The following ITPR2 variants were observed in gnomAD, a reference collection of about 807,000 sequenced individuals.
The protein encoded by ITPR2 is inositol 1,4,5-trisphosphate receptor type 2, also known as inositol 1,4,5-trisphosphate-gated calcium channel ITPR2.
Under a neutral mutation model 317.1 loss-of-function variants are expected in ITPR2, and 207 were observed. That is an observed-to-expected ratio of 0.65 (90% CI 0.58 to 0.73). ITPR2 has a LOEUF of 0.73. Among genes scored for constraint, ITPR2 ranks in the 30% least tolerant of loss-of-function variants. ITPR2 has a pLI of 0.00. For synonymous variants in ITPR2, 1,156 were observed against 1,149.1 expected, an observed-to-expected ratio of 1.01 and a Z score of -0.12; for missense variants, 2,613 against 3,284.0, an observed-to-expected ratio of 0.80 and a Z score of 4.99.
intron 2 of ITPR2, among the ~76,000 whole-genome samples, chr12:26,757,042 C>T (rs1949535849): frequency 6.6e-6 from 1 of 152,168 alleles, no homozygotes; most frequent in African/African-American, 2.4e-5. Context: ...AGTGCCGTGA[C>T]AGTTTACAAA....
At chr12:26,666,139 T>TAGAC (rs1284622229) in intron 13 of ITPR2, 88 bp from the exon 14 acceptor site, 3 of 356,062 alleles carry the variant, frequency 8.4e-6, no homozygotes, top group Admixed American at 1.6e-4. Flanking sequence ...TAGGTAGAGA[T>TAGAC]AGATAGATAG....
intron 51 of ITPR2, among the ~76,000 whole-genome samples, chr12:26,414,733 A>C (rs1940666358): frequency 6.6e-6 from 1 of 152,168 alleles, no homozygotes; most frequent in African/African-American, 2.4e-5. Flanking sequence ...TCACGACAAA[A>C]ATAGAGTATA....
chr12:26,643,183 C>A (rs564309960), intron 21 of ITPR2, among the ~76,000 whole-genome samples: 6 of 152,104 alleles, frequency 3.9e-5, no homozygotes, highest in African/African-American at 1.4e-4. Flanking sequence ...TCTGCAGGCA[C>A]CATAATCCTG....
intron 46 of ITPR2, among the ~76,000 whole-genome samples, 153 bp from the exon 47 acceptor site, chr12:26,439,472 A>G (rs1450385175): frequency 2.0e-5 from 3 of 152,210 alleles, no homozygotes; most frequent in African/African-American, 4.8e-5. Context: ...CCTTTTTACT[A>G]TACTACTTTG....
intron 2 of ITPR2, among the ~76,000 whole-genome samples, chr12:26,735,026 G>A (rs1402176621): frequency 7.5e-6 from 1 of 133,372 alleles, no homozygotes; most frequent in African/African-American, 2.8e-5. Flanking sequence ...TTGAGATGGA[G>A]TTTCGCTCTT....
intron 55 of ITPR2, among the ~76,000 whole-genome samples, chr12:26,382,812 T>G (rs1939549388): frequency 6.6e-6 from 1 of 152,238 alleles, no homozygotes; most frequent in African/African-American, 2.4e-5. Context: ...AGCAATGTAT[T>G]ACTTTATTTA....
intron 37 of ITPR2, among the ~76,000 whole-genome samples, chr12:26,546,475 T>C (rs1944392783): frequency 6.6e-6 from 1 of 152,152 alleles, no homozygotes; most frequent in African/African-American, 2.4e-5. Flanking sequence ...TTATTTCCCT[T>C]AAGATAATGA....
chr12:26,430,039 T>G (rs1941163644), intron 48 of ITPR2, among the ~76,000 whole-genome samples: 1 of 152,232 alleles, frequency 6.6e-6, no homozygotes, highest in African/African-American at 2.4e-5. Flanking sequence ...AGTCAGGCAC[T>G]TAAAATTGGG....
chr12:26,808,506 G>T (rs1243886293), intron 1 of ITPR2, among the ~76,000 whole-genome samples: 2 of 152,074 alleles, frequency 1.3e-5, no homozygotes, highest in African/African-American at 4.8e-5. Flanking sequence ...TAGGCACTGG[G>T]GATAAAGCAG....
intron 4 of ITPR2, among the ~76,000 whole-genome samples, chr12:26,724,021 T>C (rs996991252): frequency 4.6e-5 from 7 of 152,214 alleles, no homozygotes; most frequent in Admixed American, 1.3e-4. Flanking sequence ...GATTTCAATT[T>C]ATTCATCCAA....
At chr12:26,569,219 G>A (rs182451119) in intron 34 of ITPR2, among the ~76,000 whole-genome samples, 121 of 152,074 alleles carry the variant, frequency 8.0e-4, no homozygotes, top group African/African-American at 2.8e-3. Context: ...TAAAAATATT[G>A]CATGCCAAAA....
intron 9 of ITPR2, among the ~76,000 whole-genome samples, chr12:26,706,820 T>C (rs1278062756): frequency 6.6e-6 from 1 of 152,198 alleles, no homozygotes; most frequent in Non-Finnish European, 1.5e-5. Context: ...ATTCAAAATC[T>C]TAAAGCAAGG....
intron 54 of ITPR2, among the ~76,000 whole-genome samples, chr12:26,396,351 C>A (rs1394394493): frequency 6.6e-6 from 1 of 152,178 alleles, no homozygotes; most frequent in Non-Finnish European, 1.5e-5. Context: ...ATCCACTCTA[C>A]CTAAATTCAC....
chr12:26,808,784 AAT>A (rs1950681029), intron 1 of ITPR2, among the ~76,000 whole-genome samples: 1 of 152,212 alleles, frequency 6.6e-6, no homozygotes, highest in Non-Finnish European at 1.5e-5. Flanking sequence ...ACTTGGCATC[AAT>A]ATGTCTCAAA....
chr12:26,523,301 C>G (rs1943714559), intron 37 of ITPR2, among the ~76,000 whole-genome samples: 1 of 152,150 alleles, frequency 6.6e-6, no homozygotes, highest in African/African-American at 2.4e-5. Context: ...CAGCTATAAT[C>G]TCACAAAAAA....
intron 45 of ITPR2, 76 bp from the exon 46 acceptor site, chr12:26,443,726 C>A: frequency 9.5e-7 from 1 of 1,052,316 alleles, no homozygotes. Flanking sequence ...ATATCTTTGT[C>A]TACTTGTACA....
intron 2 of ITPR2, among the ~76,000 whole-genome samples, chr12:26,769,810 C>A (rs1447531242): frequency 6.6e-6 from 1 of 152,082 alleles, no homozygotes; most frequent in African/African-American, 2.4e-5. Context: ...GAGTGGCTTA[C>A]TTAAAAACAG....
In ITPR2 at chr12:26,616,918, C is replaced by T. The variant is rs185702630; in HGVS notation, c.3462+4205G>A. Among the ~76,000 whole-genome samples, 1,033 of 145,330 alleles carry T rather than the reference C, an allele frequency of 7.1e-3. 17 individuals carry two copies. The highest frequency in any genetic ancestry group is 0.029 in the African/African-American group (996 of 34,926). On this transcript the variant is annotated intron_variant, in intron 26 of 56. Coordinates refer to ENST00000381340, the MANE Select transcript of ITPR2 (RefSeq NM_002223.4). Reference sequence around the variant, plus strand: ...ATTTAATAGAGAGTAAATATATTTTCTTTTCCTTACGATTTTCTTAACATT... The same window carrying T: ...ATTTAATAGAGAGTAAATATATTTTTTTTTCCTTACGATTTTCTTAACATT...
In ITPR2 at chr12:26,831,360, T is replaced by C. The variant is rs1012360878; in HGVS notation, c.92+1330A>G. 1.3e-5 allele frequency among the ~76,000 whole-genome samples: 2 copies of C among 152,182 alleles called. No individual in the cohort carries two copies. The highest frequency in any genetic ancestry group is 4.8e-5 in the African/African-American group (2 of 41,430). On this transcript the variant is annotated intron_variant, in intron 1 of 56. Transcript: ENST00000381340. This position sits in a 1 kb window ranked among gnomAD's most constrained non-coding sequence, Gnocchi z 4.9. ...CAGGAACTGTGGAAGTACTGGTGAC[T>C]TCCACGTCCCAGTGCTTGGTAGGCA... is the stretch of plus-strand genomic sequence containing the variant.
Sources: gnomAD v4.1 joint callset for allele counts (sites outside exome capture counted in the v4.1 genomes callset) on GRCh38, gnomAD v4.1.1 for gene constraint, Gnocchi (gnomAD v3.1) non-coding constraint, MANE v1.5 for transcripts, NCBI Gene and HGNC (gene_info 2026-07-23, HGNC 2026-07-21) for gene names.